The following MTMR8 variants were observed in gnomAD, a reference collection of about 807,000 sequenced individuals.
The protein encoded by MTMR8 is phosphatidylinositol-3,5-bisphosphate 3-phosphatase MTMR8.
Under a neutral mutation model 39.3 loss-of-function variants are expected in MTMR8, and 65 were observed. That is an observed-to-expected ratio of 1.65 (90% CI 1.35 to 2.03). MTMR8 has a LOEUF of 2.03. MTMR8 is among the 30% of genes most tolerant of loss of function. The pLI, the probability that MTMR8 is intolerant of heterozygous loss-of-function variation, is 0.00. For synonymous variants in MTMR8, 245 were observed against 185.2 expected (o/e 1.32, Z -2.62); for missense variants, 777 against 538.9 (o/e 1.44, Z -4.37).
At chrX:64,300,128 G>T (rs1474734621) in intron 12 of MTMR8, among the ~76,000 whole-genome samples, 3 of 104,216 alleles carry the variant, frequency 2.9e-5, no homozygotes, top group South Asian at 9.5e-4. Flanking sequence ...CAATTCCTGG[G>T]TATCCTTGTG....
rs764256071 is a variant in MTMR8, at chrX:64,271,015, G to A, written c.1540C>T (p.Leu514=). 6 of 1,207,246 alleles carry A rather than the reference G, an allele frequency of 5.0e-6. No individual in the cohort carries two copies. The East Asian group carries it at 1.5e-4, about 30-fold the overall frequency. ...DKGLQPKQSM[L]ESLLEIKKQR... Reference sequence around the variant, plus strand: ...TTCTTAATTTCCAGGAGGCTCTCTAGCATACTCTGCTTGGGCTGCAGCCCT... The same window carrying A: ...TTCTTAATTTCCAGGAGGCTCTCTAACATACTCTGCTTGGGCTGCAGCCCT... The change falls in exon 13 of 14, where the codon CTA becomes TTA. Residue 514 remains leucine (L), a synonymous_variant. Coordinates refer to ENST00000374852, the MANE Select transcript of MTMR8 (RefSeq NM_017677.4).
Position 64,271,086 on chromosome X carries a change from A to G in MTMR8, c.1482-13T>C, listed in dbSNP as rs778604964. On this transcript the variant is annotated splice_polypyrimidine_tract_variant and intron_variant, in intron 12 of 13. Transcript: ENST00000374852. Reference sequence around the variant, plus strand: ...CCCACACCAGAACCTCAAATAGACAAAAATGGGGGGAAAAGTGGGTTAGTT... The same window carrying G: ...CCCACACCAGAACCTCAAATAGACAGAAATGGGGGGAAAAGTGGGTTAGTT... 1 of 1,178,348 alleles carries G rather than the reference A, an allele frequency of 8.5e-7. No homozygotes were observed. Among genetic ancestry groups the G allele is most frequent in the African/African-American group, 1.8e-5 (1 of 56,539 alleles).
At chrX:64,374,167 C>T (rs1469338938) in intron 1 of MTMR8, among the ~76,000 whole-genome samples, 1 of 111,283 alleles carries the variant, frequency 9.0e-6, no homozygotes, top group African/African-American at 3.3e-5. Context: ...AACATGAACC[C>T]AACTCAATGC....
At chrX:64,317,438 A>AAGCTCATG (rs1922501463) in intron 12 of MTMR8, among the ~76,000 whole-genome samples, 1 of 110,292 alleles carries the variant, frequency 9.1e-6, no homozygotes. Flanking sequence ...TTTATATCTC[A>AAGCTCATG]AGCTCATGTA....
intron 12 of MTMR8, among the ~76,000 whole-genome samples, chrX:64,312,393 G>T (rs756218603): frequency 1.8e-5 from 2 of 111,691 alleles, no homozygotes; most frequent in African/African-American, 6.5e-5. Context: ...TCAGCTTAAG[G>T]AGCATTCCCT....
intron 12 of MTMR8, among the ~76,000 whole-genome samples, chrX:64,327,679 G>A (rs1009804067): frequency 6.2e-5 from 7 of 112,269 alleles, no homozygotes; most frequent in African/African-American, 2.3e-4. Context: ...CCATTACTGG[G>A]TATATATCCA....
At chrX:64,319,175 A>G (rs1213849896) in intron 12 of MTMR8, among the ~76,000 whole-genome samples, 1 of 112,475 alleles carries the variant, frequency 8.9e-6, no homozygotes, top group Non-Finnish European at 1.9e-5. Context: ...GGAACTCCGT[A>G]CCTCCATGAA....
At position 64,286,195 on chromosome X, in the gene MTMR8, CA is replaced by C. The variant is rs939802858; in HGVS notation, c.1482-15123del. Among the ~76,000 whole-genome samples, 10 of 112,319 alleles carry C rather than the reference CA, an allele frequency of 8.9e-5. No individual in the cohort carries two copies. In the Admixed American group the frequency reaches 9.4e-4, roughly 11 times the overall value. On this transcript the variant is annotated intron_variant, in intron 12 of 13. Transcript: ENST00000374852. The stretch of plus-strand genomic sequence containing the variant: ...AACTACCATCAGAGAATACTATAAA[CA>C]ACTCTACGCAAATAAACTAGAAAAT...
chrX:64,301,627 C>T (rs780721158), intron 12 of MTMR8, among the ~76,000 whole-genome samples: 9,046 of 111,506 alleles, frequency 0.081, 1,003 homozygotes, highest in African/African-American at 0.29. Flanking sequence ...TGAGGAACTG[C>T]GTTCCTTTGG....
At chrX:64,361,560 A>G (rs960958476) in intron 1 of MTMR8, among the ~76,000 whole-genome samples, 2 of 111,577 alleles carry the variant, frequency 1.8e-5, no homozygotes, top group African/African-American at 3.2e-5. Flanking sequence ...TACATCACCA[A>G]GACTAAAAAG....
intron 13 of MTMR8, among the ~76,000 whole-genome samples, 182 bp downstream of exon 13, chrX:64,270,765 C>T (rs908073780): frequency 9.0e-5 from 10 of 111,121 alleles, no homozygotes; most frequent in Non-Finnish European, 1.7e-4. Flanking sequence ...ACATATTTAC[C>T]ACATTTTGGG....
At chrX:64,375,238 G>A (rs1455610110) in intron 1 of MTMR8, among the ~76,000 whole-genome samples, 2 of 108,927 alleles carry the variant, frequency 1.8e-5, no homozygotes, top group Non-Finnish European at 3.8e-5. Flanking sequence ...TGTAGTCCCC[G>A]CTACTCAGGA....
rs368248916 is a variant in MTMR8 at position 64,345,025 on chromosome X, C to A, written c.865+20G>T. The A allele has an allele frequency of 9.1e-6, 11 of 1,202,277 alleles. No homozygotes were observed. In the African/African-American group the frequency reaches 1.9e-4, roughly 21 times the overall value. On this transcript the variant is annotated intron_variant, in intron 7 of 13. Coordinates refer to ENST00000374852, the MANE Select transcript of MTMR8 (RefSeq NM_017677.4). ...CGCAAAGCTATGGCCGCTTGCCTAG[C>A]CAAGGTGAAATCCCTGTACCTTCCA...
intron 1 of MTMR8, among the ~76,000 whole-genome samples, chrX:64,360,568 T>C (rs768608014): frequency 9.1e-6 from 1 of 110,393 alleles, no homozygotes; most frequent in South Asian, 3.8e-4. Flanking sequence ...ATCAATAAAT[T>C]CCAAACGTTC....
chrX:64,362,787 C>T (rs780980950), intron 1 of MTMR8, among the ~76,000 whole-genome samples: 1 of 110,388 alleles, frequency 9.1e-6, no homozygotes, highest in Non-Finnish European at 1.9e-5. Context: ...CAGGGAAAGA[C>T]TTTTTAAAAA....
At chrX:64,279,781 C>T (rs924570346) in intron 12 of MTMR8, among the ~76,000 whole-genome samples, 4 of 111,831 alleles carry the variant, frequency 3.6e-5, no homozygotes, top group African/African-American at 9.8e-5. Context: ...GGCATGAATA[C>T]ACACATATGG....
chrX:64,328,801 G>A lies in MTMR8; in HGVS notation c.1452C>T (p.Leu484=). The A allele has an allele frequency of 8.4e-7, 1 of 1,195,173 alleles. No individual in the cohort carries two copies. Among genetic ancestry groups the A allele is most frequent in the Non-Finnish European group, 1.1e-6 (1 of 889,548 alleles). Reference sequence around the variant, plus strand: ...TGTTGTAGGGCACAGTACTAGGATTGAGTACCCCATACATAGTGAAGCCTT... The same window carrying A: ...TGTTGTAGGGCACAGTACTAGGATTAAGTACCCCATACATAGTGAAGCCTT... ...LYKGFTMYGV[L]NPSTVPYNIQ... is the part of the protein sequence containing the mutation. Residue 484 remains leucine, a synonymous_variant, in exon 12 of 14, where the codon CTC becomes CTT. Coordinates refer to ENST00000374852, the MANE Select transcript of MTMR8 (RefSeq NM_017677.4).
intron 12 of MTMR8, chrX:64,306,149 C>T (rs1289671019): frequency 1.5e-5 from 4 of 270,186 alleles, no homozygotes; most frequent in Admixed American, 1.1e-4. Flanking sequence ...GGTTTCACAA[C>T]TCCAAGACTT....
chrX:64,334,282 AGC>A (rs1363902727), intron 10 of MTMR8, among the ~76,000 whole-genome samples: 3 of 110,008 alleles, frequency 2.7e-5, no homozygotes, highest in African/African-American at 9.9e-5. Flanking sequence ...CAATAAACCC[AGC>A]TACCTCAGGC....
Sources: gnomAD v4.1 joint callset for allele counts (sites outside exome capture counted in the v4.1 genomes callset) on GRCh38, gnomAD v4.1.1 for gene constraint, MANE v1.5 for transcripts, NCBI Gene and HGNC (gene_info 2026-07-23, HGNC 2026-07-21) for gene names.